The following HMGB1 variants were observed in gnomAD, a reference collection of about 807,000 sequenced individuals.
HMGB1 encodes the protein high mobility group box 1, also known as high mobility group protein B1.
For missense variants in HMGB1, 79 were observed against 253.5 expected, an observed-to-expected ratio of 0.31 and a Z score of 4.67; for synonymous variants, 81 against 84.0, an observed-to-expected ratio of 0.96 and a Z score of 0.19.
intron 1 of HMGB1, among the ~76,000 whole-genome samples, chr13:30,477,579 G>T (rs1312866416): frequency 6.6e-6 from 1 of 152,196 alleles, no homozygotes; most frequent in Non-Finnish European, 1.5e-5. Context: ...CAGAAAAGGG[G>T]ACTGCCTTGC....
chr13:30,519,266 A>G (rs1034865290), intron 1 of HMGB1, among the ~76,000 whole-genome samples: 13 of 151,534 alleles, frequency 8.6e-5, no homozygotes, highest in Non-Finnish European at 4.4e-5. Flanking sequence ...GGTGGCACAC[A>G]TCTGTAGTCC....
At chr13:30,538,540 T>TCTTTCTTTCCTTTCTTTCTTTC (rs1566018842) in intron 1 of HMGB1, among the ~76,000 whole-genome samples, 1 of 107,516 alleles carries the variant, frequency 9.3e-6, no homozygotes, top group African/African-American at 5.4e-5. Flanking sequence ...TTCTTTCCTT[T>TCTTTCTTTCCTTTCTTTCTTTC]CTTTCTTTCT....
upstream of HMGB1, among the ~76,000 whole-genome samples, chr13:30,467,190 A>G (rs1886812892): frequency 6.6e-6 from 1 of 152,182 alleles, no homozygotes; most frequent in Non-Finnish European, 1.5e-5. Flanking sequence ...TGAGCAGACC[A>G]CGCCCCTATT....
At chr13:30,502,976 T>G (rs948409813) in intron 1 of HMGB1, among the ~76,000 whole-genome samples, 5 of 151,990 alleles carry the variant, frequency 3.3e-5, no homozygotes, top group African/African-American at 1.2e-4. Context: ...GGCCTTAGTC[T>G]CCACACTCTT....
chr13:30,539,143 C>T (rs920553059), intron 1 of HMGB1, among the ~76,000 whole-genome samples: 3 of 152,240 alleles, frequency 2.0e-5, no homozygotes, highest in South Asian at 2.1e-4. Context: ...GTGATCCGCC[C>T]GCCTCAGCCT....
intron 1 of HMGB1, among the ~76,000 whole-genome samples, chr13:30,573,902 A>G (rs963189884): frequency 7.2e-5 from 11 of 151,944 alleles, no homozygotes; most frequent in African/African-American, 2.2e-4. Context: ...GATCTACCCA[A>G]CTCAGCCTCC....
At chr13:30,614,791 G>A (rs1222536257) in intron 1 of HMGB1, among the ~76,000 whole-genome samples, 3 of 152,012 alleles carry the variant, frequency 2.0e-5, no homozygotes, top group Admixed American at 6.6e-5. Flanking sequence ...CTGACCCCCG[G>A]GGTTCAAGCA....
intron 1 of HMGB1, among the ~76,000 whole-genome samples, chr13:30,561,629 G>T (rs963563878): frequency 1.3e-5 from 2 of 152,186 alleles, no homozygotes; most frequent in African/African-American, 2.4e-5. Flanking sequence ...AGAGAGAAGT[G>T]TAAGAGTGGA....
exon 1 of HMGB1, chr13:30,617,197 C>T (rs1417324378): frequency 6.6e-6 from 1 of 152,218 alleles, no homozygotes; most frequent in Non-Finnish European, 1.5e-5. Flanking sequence ...AGTCCCTGCG[C>T]TTTCGCTGCT....
At chr13:30,550,835 A>T (rs563736978) in intron 1 of HMGB1, among the ~76,000 whole-genome samples, 1 of 152,386 alleles carries the variant, frequency 6.6e-6, no homozygotes, top group East Asian at 1.9e-4. Context: ...TATTACATTT[A>T]CTAAGAAGTA....
At chr13:30,508,938 T>TTTTTG (rs1054161061) in intron 1 of HMGB1, among the ~76,000 whole-genome samples, 1 of 152,196 alleles carries the variant, frequency 6.6e-6, no homozygotes, top group African/African-American at 2.4e-5. Context: ...TAATCCAATA[T>TTTTTG]TTTTGTTTTG....
chr13:30,525,981 G>T (rs759398993), intron 1 of HMGB1, among the ~76,000 whole-genome samples: 11 of 152,204 alleles, frequency 7.2e-5, no homozygotes, highest in Non-Finnish European at 1.6e-4. Context: ...ATAGGCATGA[G>T]CCACTGTGCT....
At chr13:30,596,865 G>A (rs1871633633) in intron 1 of HMGB1, among the ~76,000 whole-genome samples, 1 of 152,186 alleles carries the variant, frequency 6.6e-6, no homozygotes, top group Admixed American at 6.5e-5. Flanking sequence ...CTGGAATAGT[G>A]TAACTAGTAC....
intron 1 of HMGB1, among the ~76,000 whole-genome samples, chr13:30,552,829 T>G (rs1231825521): frequency 6.6e-6 from 1 of 152,200 alleles, no homozygotes; most frequent in Non-Finnish European, 1.5e-5. Context: ...CACCTCTTAT[T>G]TCAAACACTG....
At chr13:30,595,107 C>T (rs566991496) in intron 1 of HMGB1, among the ~76,000 whole-genome samples, 2 of 146,634 alleles carry the variant, frequency 1.4e-5, no homozygotes, top group South Asian at 4.4e-4. Context: ...TCAAAGATTA[C>T]CACCCCCTTC....
chr13:30,474,495 G>A (rs1007307611), intron 1 of HMGB1, among the ~76,000 whole-genome samples: 1 of 152,206 alleles, frequency 6.6e-6, no homozygotes, highest in Non-Finnish European at 1.5e-5. Context: ...AGAGCCGGGG[G>A]TGACCGTAAT....
chr13:30,464,907 G>A (rs950317034), intron 1 of HMGB1, among the ~76,000 whole-genome samples: 4 of 141,606 alleles, frequency 2.8e-5, no homozygotes, highest in African/African-American at 1.0e-4. Context: ...GGGGCGCGCG[G>A]CCGGGCCCTC....
chr13:30,518,718 T>C (rs376456585), intron 1 of HMGB1, among the ~76,000 whole-genome samples: 1 of 151,842 alleles, frequency 6.6e-6, no homozygotes, highest in Non-Finnish European at 1.5e-5. Context: ...AACCTTTTTT[T>C]TTTTGATTCA....
intron 1 of HMGB1, among the ~76,000 whole-genome samples, chr13:30,571,421 A>C (rs112900582): frequency 0.11 from 17,401 of 151,970 alleles, 1,095 homozygotes; most frequent in South Asian, 0.18. Flanking sequence ...CAGCCTCCCA[A>C]GTAGCTGGGA....
Sources: allele counts gnomAD v4.1 joint callset (sites outside exome capture counted in the v4.1 genomes callset), GRCh38; gene constraint gnomAD v4.1.1; transcripts MANE v1.5; gene names NCBI Gene and HGNC (gene_info 2026-07-23, HGNC 2026-07-21).